EMCN: variants seen among roughly 807,000 people sequenced by gnomAD.
EMCN encodes the protein MUC-14.
EMCN carries 37 observed loss-of-function variants against 38.4 expected under a neutral mutation model. The observed-to-expected ratio is 0.96, with a 90% CI of 0.74 to 1.27. The LOEUF (loss-of-function observed/expected upper bound fraction) is 1.27. Ranked by LOEUF, EMCN falls within the 50% of genes most tolerant of loss-of-function variation. The pLI is 0.00. For synonymous variants in EMCN, 95 were observed against 100.8 expected, an observed-to-expected ratio of 0.94 and a Z score of 0.35; for missense variants, 318 against 302.8, an observed-to-expected ratio of 1.05 and a Z score of -0.37.
At chr4:100,498,861 CATT>C (rs1399209026) in intron 1 of EMCN, among the ~76,000 whole-genome samples, 2 of 152,106 alleles carry the variant, frequency 1.3e-5, no homozygotes, top group African/African-American at 4.8e-5. Flanking sequence ...ATGATATAAA[CATT>C]AATTATTTAT....
chr4:100,474,569 T>G (rs1224305654), intron 3 of EMCN, among the ~76,000 whole-genome samples: 1 of 152,214 alleles, frequency 6.6e-6, no homozygotes, highest in Admixed American at 6.5e-5. Flanking sequence ...CAGCATTATT[T>G]ATAATCATTA....
At chr4:100,473,174 C>T (rs1166398052) in intron 3 of EMCN, among the ~76,000 whole-genome samples, 1 of 149,406 alleles carries the variant, frequency 6.7e-6, no homozygotes, top group African/African-American at 2.4e-5. Flanking sequence ...GCCACCACGC[C>T]CAGTAAATTT....
intron 4 of EMCN, among the ~76,000 whole-genome samples, chr4:100,463,378 C>T (rs999361769): frequency 2.6e-5 from 4 of 152,204 alleles, no homozygotes; most frequent in African/African-American, 9.6e-5. Context: ...CCTTCAATTC[C>T]CGTAGCTAAC....
chr4:100,500,892 A>T (rs1991844), intron 1 of EMCN, among the ~76,000 whole-genome samples: 64,102 of 151,804 alleles, frequency 0.42, 14,522 homozygotes, highest in East Asian at 0.71. Context: ...TACTTAAGTC[A>T]GCCAAATTTT....
chr4:100,473,365 G>GTTTTTTTTTTTTTTTTTTTTTT lies in EMCN; in HGVS notation c.259+1672_259+1673insAAAAAAAAAAAAAAAAAAAAAA. On this transcript the variant is annotated intron_variant, in intron 3 of 11. Transcript: ENST00000296420. ...TTCTAATGGGCATTTCCCGTTTCGT[G>GTTTTTTTTTTTTTTTTTTTTTT]TTTTTTTGTTTTTTTTTTTTGTTTT... Among the ~76,000 whole-genome samples the GTTTTTTTTTTTTTTTTTTTTTT allele has an allele frequency of 9.7e-4, 29 of 29,834 alleles. 8 individuals carry two copies. The highest frequency in any genetic ancestry group is 1.8e-3 in the Non-Finnish European group (22 of 11,962). 19.6% of individuals were successfully genotyped at this position (29,834 alleles called of 152,430 possible). A position where few individuals can be genotyped will look rare whatever the true frequency, so the allele number is the denominator to read the frequency against.
intron 7 of EMCN, 32 bp downstream of exon 7, chr4:100,422,989 C>T (rs1726934932): frequency 1.2e-6 from 2 of 1,604,116 alleles, no homozygotes; most frequent in South Asian, 1.1e-5. Context: ...TGCATATCTA[C>T]TGCCATGAAT....
chr4:100,495,971 A>C (rs1055495062), intron 1 of EMCN, among the ~76,000 whole-genome samples: 3 of 152,120 alleles, frequency 2.0e-5, no homozygotes, highest in Admixed American at 6.5e-5. Context: ...ATTTATATTG[A>C]TTATATGATT....
intron 11 of EMCN, among the ~76,000 whole-genome samples, chr4:100,398,692 C>T (rs72917593): frequency 0.039 from 6,005 of 152,180 alleles, 399 homozygotes; most frequent in African/African-American, 0.14. Flanking sequence ...CTTCCTCACT[C>T]CCCATTGGCC....
rs1726115884 is a variant in EMCN, at chr4:100,396,268, TC to T, written c.*2144del. 1 of 152,162 alleles carries T rather than the reference TC, an allele frequency of 6.6e-6. No individual in the cohort carries two copies. The highest frequency in any genetic ancestry group is 6.6e-5 in the Admixed American group (1 of 15,266). 9.4% of individuals were successfully genotyped at this position (152,162 alleles called of 1,614,324 possible). Reference sequence around the variant, plus strand: ...TCATAGTTGTTAGATTAATGCATATTCTTTGTGTGCACTTCTTGAACTAGAA... The same window carrying T: ...TCATAGTTGTTAGATTAATGCATATTTTTGTGTGCACTTCTTGAACTAGAA... On this transcript the variant is annotated 3_prime_UTR_variant, in exon 12 of 12. Coordinates refer to ENST00000296420, the MANE Select transcript of EMCN (RefSeq NM_016242.4).
chr4:100,476,992 A>G (rs1728669166), intron 2 of EMCN, among the ~76,000 whole-genome samples: 1 of 152,178 alleles, frequency 6.6e-6, no homozygotes, highest in African/African-American at 2.4e-5. Context: ...TGTTCTTTAT[A>G]GTTGTATCTA....
intron 1 of EMCN, among the ~76,000 whole-genome samples, chr4:100,504,666 C>T (rs1440901234): frequency 6.6e-6 from 1 of 152,316 alleles, no homozygotes; most frequent in East Asian, 1.9e-4. Context: ...CGGAGGGCTC[C>T]TTGGTCTAGC....
At chr4:100,412,836 A>C (rs3822069) in intron 10 of EMCN, among the ~76,000 whole-genome samples, 40,714 of 152,054 alleles carry the variant, frequency 0.27, 7,339 homozygotes, top group East Asian at 0.77. Flanking sequence ...TTAAAGGAAG[A>C]AGGGAGTATG....
intron 5 of EMCN, among the ~76,000 whole-genome samples, chr4:100,435,844 G>A (rs1034026628): frequency 2.0e-5 from 3 of 152,122 alleles, no homozygotes; most frequent in African/African-American, 7.2e-5. Flanking sequence ...ATTGAAACTG[G>A]ACCCCTTCCT....
At chr4:100,455,022 T>G (rs868676591) in intron 4 of EMCN, among the ~76,000 whole-genome samples, 3 of 152,284 alleles carry the variant, frequency 2.0e-5, no homozygotes, top group South Asian at 2.1e-4. Flanking sequence ...AATAAAATGT[T>G]TAAGCCGTTT....
intron 11 of EMCN, among the ~76,000 whole-genome samples, chr4:100,407,240 A>G (rs751279180): frequency 1.3e-5 from 2 of 152,120 alleles, no homozygotes; most frequent in African/African-American, 2.4e-5. Flanking sequence ...TAATATTAAT[A>G]TGTGTGGATT....
In EMCN at chr4:100,473,542, G is replaced by A. The variant is rs1728554145; in HGVS notation, c.259+1496C>T. Among the ~76,000 whole-genome samples, 9 of 151,950 alleles carry A rather than the reference G, an allele frequency of 5.9e-5. No homozygotes were observed. The South Asian group carries it at 1.9e-3, about 32-fold the overall frequency. ...AACTCACGATATAAACAAAGCATTTGTCTCAGGAATTGCTAACGAACATAC... is the reference window on the plus strand; with the variant it reads ...AACTCACGATATAAACAAAGCATTTATCTCAGGAATTGCTAACGAACATAC... On this transcript the variant is annotated intron_variant, in intron 3 of 11. Coordinates refer to ENST00000296420, the MANE Select transcript of EMCN (RefSeq NM_016242.4).
chr4:100,437,147 GTA>G (rs1727377544), intron 5 of EMCN, among the ~76,000 whole-genome samples: 1 of 152,134 alleles, frequency 6.6e-6, no homozygotes, highest in African/African-American at 2.4e-5. Flanking sequence ...GTATCACATA[GTA>G]GTTTTGATTT....
At chr4:100,399,038 C>A (rs1015915951) in intron 11 of EMCN, among the ~76,000 whole-genome samples, 1 of 152,128 alleles carries the variant, frequency 6.6e-6, no homozygotes, top group Non-Finnish European at 1.5e-5. Flanking sequence ...TTATGGGCAA[C>A]TTTAAAGCTT....
chr4:100,427,762 A>G (rs1400602662), intron 5 of EMCN, among the ~76,000 whole-genome samples: 1 of 152,028 alleles, frequency 6.6e-6, no homozygotes, highest in African/African-American at 2.4e-5. Context: ...TAAGCTCTGG[A>G]TTTATAAATC....
Sources: allele counts gnomAD v4.1 joint callset (sites outside exome capture counted in the v4.1 genomes callset), GRCh38; gene constraint gnomAD v4.1.1; transcripts MANE v1.5; gene names NCBI Gene and HGNC (gene_info 2026-07-23, HGNC 2026-07-21).